The following NELL1 variants were observed in gnomAD, a reference collection of about 807,000 sequenced individuals.
NELL1 encodes neural EGFL like 1, also known as protein kinase C-binding protein NELL1.
NELL1 carries 76 observed loss-of-function variants against 107.4 expected under a neutral mutation model. The observed-to-expected ratio is 0.71, with a 90% confidence interval of 0.59 to 0.86. NELL1 has a LOEUF of 0.86. Among genes scored for constraint, NELL1 ranks in the 40% least tolerant of loss-of-function variants. The pLI is 0.00. For synonymous variants in NELL1, 353 were observed against 341.2 expected (o/e 1.03, Z -0.38); for missense variants, 1,024 against 1,005.5 (o/e 1.02, Z -0.25).
chr11:21,053,293 C>A (rs1013702373), intron 12 of NELL1, among the ~76,000 whole-genome samples: 1 of 152,068 alleles, frequency 6.6e-6, no homozygotes, highest in Non-Finnish European at 1.5e-5. Flanking sequence ...GTGACAGGCC[C>A]CAGTGTGTGA....
chr11:21,182,765 C>T (rs1030874648), intron 13 of NELL1, among the ~76,000 whole-genome samples: 2 of 151,542 alleles, frequency 1.3e-5, no homozygotes, highest in African/African-American at 4.9e-5. Context: ...AGGATGGGGG[C>T]TACCAGAGGA....
intron 14 of NELL1, among the ~76,000 whole-genome samples, chr11:21,306,961 G>A (rs1196707211): frequency 6.6e-6 from 1 of 151,996 alleles, no homozygotes; most frequent in African/African-American, 2.4e-5. Context: ...CCATTAATTG[G>A]AATTAGATTC....
intron 4 of NELL1, among the ~76,000 whole-genome samples, chr11:20,865,037 C>T (rs1849067674): frequency 1.3e-5 from 2 of 152,130 alleles, no homozygotes; most frequent in African/African-American, 4.8e-5. Flanking sequence ...ATTTTCCTGC[C>T]CTCCTTTAAC....
At chr11:20,995,999 A>G (rs1852083369) in intron 12 of NELL1, among the ~76,000 whole-genome samples, 1 of 152,224 alleles carries the variant, frequency 6.6e-6, no homozygotes, top group Admixed American at 6.5e-5. Context: ...CTCATTCTAC[A>G]GGGGTTTATT....
At chr11:21,242,346 A>T (rs1166900627) in intron 14 of NELL1, among the ~76,000 whole-genome samples, 1 of 152,088 alleles carries the variant, frequency 6.6e-6, no homozygotes, top group Non-Finnish European at 1.5e-5. Flanking sequence ...GGAAAAGAAT[A>T]AAAGGTCAAA....
intron 2 of NELL1, among the ~76,000 whole-genome samples, chr11:20,689,420 T>G (rs1854394544): frequency 1.4e-5 from 2 of 143,610 alleles, no homozygotes; most frequent in Admixed American, 1.4e-4. Flanking sequence ...TATCTCCTAA[T>G]GCTATCCCTC....
intron 12 of NELL1, among the ~76,000 whole-genome samples, chr11:21,097,390 AC>A (rs1183240693): frequency 6.6e-6 from 1 of 152,246 alleles, no homozygotes; most frequent in Middle Eastern, 3.2e-3. Context: ...TTGCAAGAGC[AC>A]AGAGAACAAA....
At chr11:21,159,189 T>C (rs1055448385) in intron 13 of NELL1, among the ~76,000 whole-genome samples, 1 of 152,148 alleles carries the variant, frequency 6.6e-6, no homozygotes, top group African/African-American at 2.4e-5. Context: ...CAGTCAATCA[T>C]AGGACTTAGA....
chr11:21,154,911 A>C (rs1166218374), intron 13 of NELL1, among the ~76,000 whole-genome samples: 1 of 152,200 alleles, frequency 6.6e-6, no homozygotes, highest in African/African-American at 2.4e-5. Flanking sequence ...TGGCATAAAC[A>C]AGCTTGTATT....
At chr11:21,218,855 G>A (rs1857682990) in intron 13 of NELL1, among the ~76,000 whole-genome samples, 2 of 152,120 alleles carry the variant, frequency 1.3e-5, no homozygotes. Flanking sequence ...ATTCCATTGT[G>A]TATACATGAC....
At chr11:21,485,363 T>C (rs1434822539) in intron 15 of NELL1, among the ~76,000 whole-genome samples, 15 of 151,954 alleles carry the variant, frequency 9.9e-5, no homozygotes, top group Admixed American at 9.8e-4. Context: ...ACAGGCCCCA[T>C]AGCTGTCTGC....
chr11:21,572,962 T>C (rs1857136600), intron 18 of NELL1, among the ~76,000 whole-genome samples: 1 of 151,864 alleles, frequency 6.6e-6, no homozygotes, highest in African/African-American at 2.4e-5. Context: ...GAAGCTCACC[T>C]AGCTCTTTCT....
chr11:21,051,178 A>T (rs1379011973), intron 12 of NELL1, among the ~76,000 whole-genome samples: 1 of 152,212 alleles, frequency 6.6e-6, no homozygotes, highest in Non-Finnish European at 1.5e-5. Context: ...TGTGGCATAC[A>T]TATACCATGG....
intron 13 of NELL1, among the ~76,000 whole-genome samples, chr11:21,174,189 T>A (rs1856664263): frequency 6.6e-6 from 1 of 151,782 alleles, no homozygotes; most frequent in Non-Finnish European, 1.5e-5. Context: ...GAGTCACTGC[T>A]GAAAGTGAGA....
chr11:21,281,201 C>A (rs921766392), intron 14 of NELL1, among the ~76,000 whole-genome samples: 2 of 151,714 alleles, frequency 1.3e-5, no homozygotes, highest in African/African-American at 4.8e-5. Context: ...TTCTGGACAC[C>A]CCCCGAGCCA....
At chr11:21,196,011 C>T (rs1034676944) in intron 13 of NELL1, among the ~76,000 whole-genome samples, 4 of 152,170 alleles carry the variant, frequency 2.6e-5, no homozygotes, top group African/African-American at 9.6e-5. Flanking sequence ...CTTGACATTT[C>T]TTTAGGGTTA....
intron 18 of NELL1, among the ~76,000 whole-genome samples, chr11:21,571,694 A>C (rs1183742302): frequency 1.3e-5 from 2 of 151,910 alleles, no homozygotes; most frequent in African/African-American, 4.8e-5. Context: ...GATTTGAGAA[A>C]GTCCAGAGAA....
intron 15 of NELL1, among the ~76,000 whole-genome samples, chr11:21,476,222 G>C (rs1381698838): frequency 1.3e-5 from 2 of 152,124 alleles, no homozygotes; most frequent in African/African-American, 4.8e-5. Flanking sequence ...AGCTGTGCCT[G>C]ATTTATTCCT....
intron 12 of NELL1, among the ~76,000 whole-genome samples, chr11:21,042,260 A>T (rs1459570049): frequency 6.6e-6 from 1 of 152,194 alleles, no homozygotes; most frequent in Non-Finnish European, 1.5e-5. Flanking sequence ...TGAAAATGTT[A>T]AGGCTATTGT....
Sources: gnomAD v4.1 joint callset for allele counts (sites outside exome capture counted in the v4.1 genomes callset) on GRCh38, gnomAD v4.1.1 for gene constraint, MANE v1.5 for transcripts, NCBI Gene and HGNC (gene_info 2026-07-23, HGNC 2026-07-21) for gene names.